The following HS6ST2 variants were observed in gnomAD, a reference collection of about 807,000 sequenced individuals.
HS6ST2 encodes heparan sulfate 6-O-sulfotransferase 2.
A neutral mutation model predicts 33.0 loss-of-function variants in HS6ST2; 17 were observed. That is an observed-to-expected ratio of 0.52 (90% CI 0.35 to 0.77). The LOEUF (loss-of-function observed/expected upper bound fraction) is 0.77, where lower values mean the gene tolerates loss of function less well. Among genes scored for constraint, HS6ST2 ranks in the 30% least tolerant of loss-of-function variants. The pLI, the probability that HS6ST2 is intolerant of heterozygous loss-of-function variation, is 0.01. For synonymous variants in HS6ST2, 248 were observed against 237.1 expected, an observed-to-expected ratio of 1.05 and a Z score of -0.42; for missense variants, 519 against 551.7, an observed-to-expected ratio of 0.94 and a Z score of 0.59.
chrX:132,865,329 A>G (rs1316092191), intron 2 of HS6ST2, among the ~76,000 whole-genome samples: 1 of 110,964 alleles, frequency 9.0e-6, no homozygotes, highest in Non-Finnish European at 1.9e-5. Flanking sequence ...ATGGCTGCAT[A>G]GTATTCCATG....
chrX:132,814,289 T>C (rs2065377219), intron 2 of HS6ST2, among the ~76,000 whole-genome samples: 1 of 111,719 alleles, frequency 9.0e-6, no homozygotes, highest in African/African-American at 3.3e-5. Flanking sequence ...TCCAAGCTGG[T>C]ACAGAAGTTC....
intron 2 of HS6ST2, among the ~76,000 whole-genome samples, chrX:132,938,795 C>T (rs1212856905): frequency 1.8e-5 from 2 of 112,274 alleles, no homozygotes; most frequent in Non-Finnish European, 3.8e-5. Flanking sequence ...AATTCATCAA[C>T]ACTGAATAGT....
At chrX:132,701,252 G>C (rs1360481473) in intron 3 of HS6ST2, among the ~76,000 whole-genome samples, 1 of 111,907 alleles carries the variant, frequency 8.9e-6, no homozygotes, top group African/African-American at 3.2e-5. Context: ...AGGACTCACT[G>C]TGCTGTGTGC....
intron 2 of HS6ST2, among the ~76,000 whole-genome samples, chrX:132,875,592 T>A (rs899670919): frequency 1.8e-5 from 2 of 112,478 alleles, no homozygotes; most frequent in Non-Finnish European, 3.7e-5. Flanking sequence ...TGTTATGGGC[T>A]GAGGATCTTG....
At chrX:132,883,095 TTG>T (rs1372047894) in intron 2 of HS6ST2, among the ~76,000 whole-genome samples, 1 of 111,100 alleles carries the variant, frequency 9.0e-6, no homozygotes, top group Non-Finnish European at 1.9e-5. Flanking sequence ...CTCTTTTTTT[TTG>T]TTGTGTCTCT....
In HS6ST2 at chrX:132,629,109, A is replaced by G. The variant is rs1423815447; in HGVS notation, c.1068-16T>C. 3.4e-6 allele frequency: 4 copies of G among 1,179,669 alleles called. No homozygotes were observed. The highest frequency in any genetic ancestry group is 3.4e-6 in the Non-Finnish European group (3 of 876,890). On this transcript the variant is annotated splice_polypyrimidine_tract_variant and intron_variant, in intron 4 of 4. Coordinates refer to ENST00000370833, the MANE Select transcript of HS6ST2 (RefSeq NM_001394073.1). ...GTGGAAGTTCCTATGGATGAAGCAC[A>G]AAAACCAACAGTCAGAGATATGGGC...
At chrX:132,957,420 C>T in intron 1 of HS6ST2, 94 bp from the exon 2 acceptor site, 1 of 949,187 alleles carries the variant, frequency 1.1e-6, no homozygotes, top group Non-Finnish European at 1.4e-6. Flanking sequence ...GCCGCTGCTG[C>T]GCCCCTCTCC....
chrX:132,886,888 A>T (rs1307982260), intron 2 of HS6ST2, among the ~76,000 whole-genome samples: 1 of 111,522 alleles, frequency 9.0e-6, no homozygotes, highest in Non-Finnish European at 1.9e-5. Flanking sequence ...TAATCCCAGC[A>T]CTTTGGGAGG....
In HS6ST2 at chrX:132,794,891, T is replaced by C. The variant is rs923821358; in HGVS notation, c.948-86397A>G. ...CCTTCTGGCACCCATCGCAAGGTCCTTTCCACTGCCCCGAAGTACTGGGGG... is the reference window on the plus strand; with the variant it reads ...CCTTCTGGCACCCATCGCAAGGTCCCTTCCACTGCCCCGAAGTACTGGGGG... On this transcript the variant is annotated intron_variant, in intron 2 of 4. Transcript: ENST00000370833. Among the ~76,000 whole-genome samples, 15 of 110,343 alleles carry C rather than the reference T, an allele frequency of 1.4e-4. No homozygotes were observed. The Admixed American group carries it at 1.5e-3, about 11-fold the overall frequency.
rs762704877 is a variant in HS6ST2 at position 132,754,518 on chromosome X, G to A, written c.948-46024C>T. On this transcript the variant is annotated intron_variant, in intron 2 of 4. Transcript: ENST00000370833. Reference sequence around the variant, plus strand: ...TGCAACCTCCGCCCCCCTGGTTCACGCCATTCTCCTGCCTCAGCCTCCTGA... The same window carrying A: ...TGCAACCTCCGCCCCCCTGGTTCACACCATTCTCCTGCCTCAGCCTCCTGA... Among the ~76,000 whole-genome samples, 582 of 107,980 alleles carry A rather than the reference G, an allele frequency of 5.4e-3. 4 individuals are homozygous for A. Among genetic ancestry groups the A allele is most frequent in the African/African-American group, 0.018 (524 of 29,481 alleles). 93.8% of individuals were successfully genotyped at this position (107,980 alleles called of 115,157 possible).
chrX:132,880,881 G>A (rs775757224), intron 2 of HS6ST2, among the ~76,000 whole-genome samples: 1 of 107,171 alleles, frequency 9.3e-6, no homozygotes, highest in East Asian at 3.0e-4. Flanking sequence ...TGCAGTGTTT[G>A]GTTTCTGTCC....
In HS6ST2 at chrX:132,641,323, T is replaced by C. The variant is rs745530442; in HGVS notation, c.1068-12230A>G. On this transcript the variant is annotated intron_variant, in intron 4 of 4. Transcript: ENST00000370833. ...AATGCCCAGCTGATTTTTGTATTTT[T>C]AGTGGAGATGAGGTTTCACCATGTT... 2.7e-5 allele frequency among the ~76,000 whole-genome samples: 3 copies of C among 111,860 alleles called. No homozygotes were observed. The East Asian group carries it at 8.4e-4, about 31-fold the overall frequency.
At chrX:132,651,372 T>A (rs1275905857) in intron 4 of HS6ST2, among the ~76,000 whole-genome samples, 1 of 111,391 alleles carries the variant, frequency 9.0e-6, no homozygotes, top group Non-Finnish European at 1.9e-5. Context: ...TTTAACCACT[T>A]CCCCAGAGTT....
In HS6ST2 at chrX:132,903,775, T is replaced by C. The variant is rs917211930; in HGVS notation, c.947+53033A>G. Among the ~76,000 whole-genome samples, 3 of 112,484 alleles carry C rather than the reference T, an allele frequency of 2.7e-5. No homozygotes were observed. In the Admixed American group the frequency reaches 2.8e-4, roughly 11 times the overall value. On this transcript the variant is annotated intron_variant, in intron 2 of 4. Coordinates refer to ENST00000370833, the MANE Select transcript of HS6ST2 (RefSeq NM_001394073.1). ...TGACTTTCTTGTTTTCATGCTAATA[T>C]TTCACAATCTATAATATATAGTTTC...
intron 2 of HS6ST2, among the ~76,000 whole-genome samples, chrX:132,812,618 C>T (rs1276386164): frequency 1.9e-5 from 2 of 106,439 alleles, no homozygotes; most frequent in African/African-American, 6.9e-5. Context: ...CCTTCTCCCA[C>T]ATTTAAATAA....
At chrX:132,909,005 A>AAAAAAAAAAAC in intron 2 of HS6ST2, among the ~76,000 whole-genome samples, 1 of 106,879 alleles carries the variant, frequency 9.4e-6, no homozygotes, top group Non-Finnish European at 1.9e-5. Context: ...AAAAAAAAAA[A>AAAAAAAAAAAC]AAAAAAAAAC....
chrX:132,721,526 T>C (rs2064327522), intron 2 of HS6ST2, among the ~76,000 whole-genome samples: 1 of 112,125 alleles, frequency 8.9e-6, no homozygotes, highest in Admixed American at 9.4e-5. Flanking sequence ...CCATTTGGGG[T>C]GACTGTTGTA....
intron 3 of HS6ST2, among the ~76,000 whole-genome samples, chrX:132,674,682 T>A (rs1257286220): frequency 8.9e-6 from 1 of 112,502 alleles, no homozygotes; most frequent in African/African-American, 3.2e-5. Flanking sequence ...ATTATATTAT[T>A]TTCTCATTTA....
intron 2 of HS6ST2, among the ~76,000 whole-genome samples, chrX:132,714,170 T>C (rs2064254392): frequency 9.0e-6 from 1 of 111,280 alleles, no homozygotes; most frequent in Non-Finnish European, 1.9e-5. Flanking sequence ...GGAATAGAAA[T>C]AAAAAACTGA....
Sources: gnomAD v4.1 joint callset for allele counts (sites outside exome capture counted in the v4.1 genomes callset) on GRCh38, gnomAD v4.1.1 for gene constraint, MANE v1.5 for transcripts, NCBI Gene and HGNC (gene_info 2026-07-23, HGNC 2026-07-21) for gene names.